The following ARHGAP28 variants were observed in gnomAD, a reference collection of about 807,000 sequenced individuals.
The protein encoded by ARHGAP28 is rho GTPase-activating protein 28.
A neutral mutation model predicts 90.7 loss-of-function variants in ARHGAP28; 56 were observed. The observed-to-expected ratio is 0.62, with a 90% CI of 0.50 to 0.77. ARHGAP28 has a LOEUF of 0.77. Among genes scored for constraint, ARHGAP28 ranks in the 30% least tolerant of loss-of-function variants. ARHGAP28 has a pLI of 0.00. For synonymous variants in ARHGAP28, 308 were observed against 323.3 expected (o/e 0.95, Z 0.51); for missense variants, 869 against 900.9 (o/e 0.96, Z 0.45).
rs1278722657 is a variant in ARHGAP28 at position 6,914,660 on chromosome 18, G to A, written c.*2506G>A. On this transcript the variant is annotated 3_prime_UTR_variant, in exon 18 of 18. Coordinates refer to ENST00000383472, the MANE Select transcript of ARHGAP28 (RefSeq NM_001366230.1). Reference sequence around the variant, plus strand: ...TCATATCTTTGCAAACAAAAGAAGGGCAGATACTGGGCTTCTACATGCTAT... The same window carrying A: ...TCATATCTTTGCAAACAAAAGAAGGACAGATACTGGGCTTCTACATGCTAT... The A allele has an allele frequency of 6.6e-6, 1 of 152,126 alleles. No individual in the cohort carries two copies. Among genetic ancestry groups the A allele is most frequent in the Admixed American group, 6.5e-5 (1 of 15,274 alleles). The allele number at this position is 152,126 out of a possible 1,614,324, so 9.4% of individuals were successfully genotyped here. A position where few individuals can be genotyped will look rare whatever the true frequency, so the allele number is the denominator to read the frequency against.
chr18:6,807,018 A>C (rs1051973341), intron 1 of ARHGAP28, among the ~76,000 whole-genome samples: 9 of 151,486 alleles, frequency 5.9e-5, no homozygotes, highest in Non-Finnish European at 1.3e-4. Context: ...GTTTTCCTCT[A>C]ATTGATTTTA....
At chr18:6,733,088 G>C (rs1369113845) in intron 1 of ARHGAP28, among the ~76,000 whole-genome samples, 1 of 152,136 alleles carries the variant, frequency 6.6e-6, no homozygotes, top group African/African-American at 2.4e-5. Flanking sequence ...TTATAAAATA[G>C]TTAAAACTAT....
In ARHGAP28 at chr18:6,870,584, C is replaced by G; in HGVS notation, c.812-6C>G. 1 of 1,605,916 alleles carries G rather than the reference C, an allele frequency of 6.2e-7. No individual in the cohort carries two copies. Among genetic ancestry groups the G allele is most frequent in the South Asian group, 1.1e-5 (1 of 90,326 alleles). On this transcript the variant is annotated splice_polypyrimidine_tract_variant and splice_region_variant and intron_variant, in intron 6 of 17. Transcript: ENST00000383472. ...AAATAGTCTGTATTCTTTGTTTTGT[C>G]TTTAGATGATGATTTTCTGGAAAAG...
At chr18:6,837,170 C>A in intron 2 of ARHGAP28, 27 bp from the exon 3 acceptor site, 18 of 1,503,214 alleles carry the variant, frequency 1.2e-5, no homozygotes, top group East Asian at 2.5e-5. Flanking sequence ...AATATTCTAA[C>A]CCTCTCTTGG....
chr18:6,877,603 T>C (rs2057141812), intron 10 of ARHGAP28, among the ~76,000 whole-genome samples: 1 of 152,120 alleles, frequency 6.6e-6, no homozygotes, highest in African/African-American at 2.4e-5. Context: ...TCCGGGCATG[T>C]TGAGGGGTTA....
intron 3 of ARHGAP28, among the ~76,000 whole-genome samples, chr18:6,844,871 A>G (rs1212516594): frequency 6.6e-6 from 1 of 152,232 alleles, no homozygotes; most frequent in Non-Finnish European, 1.5e-5. Flanking sequence ...ATAAATAGTT[A>G]AATTCACAAA....
intron 3 of ARHGAP28, among the ~76,000 whole-genome samples, chr18:6,839,824 T>C (rs907104564): frequency 6.6e-5 from 10 of 152,240 alleles, no homozygotes; most frequent in Admixed American, 1.3e-4. Context: ...CTTTGACTTA[T>C]GATGATCATT....
intron 5 of ARHGAP28, among the ~76,000 whole-genome samples, chr18:6,863,786 ATTT>A (rs397962617): frequency 1.4e-5 from 2 of 143,718 alleles, no homozygotes. Flanking sequence ...GCTTTGTTTA[ATTT>A]TTTTTTTTTT....
intron 5 of ARHGAP28, among the ~76,000 whole-genome samples, chr18:6,866,093 C>T (rs1453099847): frequency 6.6e-6 from 1 of 152,198 alleles, no homozygotes; most frequent in African/African-American, 2.4e-5. Context: ...ATCTAGCCTT[C>T]CTGCTCAACC....
chr18:6,786,317 T>G lies in ARHGAP28; in HGVS notation c.123-38445T>G, dbSNP rs1055652831. Among the ~76,000 whole-genome samples the G allele has an allele frequency of 9.2e-5, 14 of 152,320 alleles. 1 individual carries two copies. The highest frequency in any genetic ancestry group is 6.5e-4 in the Admixed American group (10 of 15,292). On this transcript the variant is annotated intron_variant, in intron 1 of 17. Coordinates refer to ENST00000383472, the MANE Select transcript of ARHGAP28 (RefSeq NM_001366230.1). ...AAGAATGTTTTGACAAATTATCCTG[T>G]CATATATACTTAAAGAAAAAATTAA...
chr18:6,774,463 G>C (rs779641107), intron 1 of ARHGAP28, among the ~76,000 whole-genome samples: 3 of 152,116 alleles, frequency 2.0e-5, no homozygotes, highest in Non-Finnish European at 4.4e-5. Flanking sequence ...TATGGATATG[G>C]ATTTTTAAAC....
At chr18:6,733,753 TC>T in intron 1 of ARHGAP28, among the ~76,000 whole-genome samples, 1 of 152,322 alleles carries the variant, frequency 6.6e-6, no homozygotes, top group South Asian at 2.1e-4. Flanking sequence ...AGAGCATAAT[TC>T]TCTCAGAGGA....
chr18:6,784,790 T>C (rs1460727844), intron 1 of ARHGAP28, among the ~76,000 whole-genome samples: 1 of 152,230 alleles, frequency 6.6e-6, no homozygotes, highest in African/African-American at 2.4e-5. Context: ...CTTTGAAATG[T>C]GTTGTGTTTT....
In ARHGAP28 at chr18:6,838,679, C is replaced by T. The variant is rs530479923; in HGVS notation, c.543+1265C>T. ...TTTAAATATGAACAGTCACATGTAG[C>T]TTGTAGCTTATGTATTGAATAACAT... On this transcript the variant is annotated intron_variant, in intron 3 of 17. Transcript: ENST00000383472. Among the ~76,000 whole-genome samples the T allele has an allele frequency of 2.0e-4, 30 of 152,272 alleles. No homozygotes were observed. The South Asian group carries it at 5.4e-3, about 27-fold the overall frequency.
intron 1 of ARHGAP28, among the ~76,000 whole-genome samples, chr18:6,806,831 T>A (rs774713973): frequency 6.6e-6 from 1 of 152,210 alleles, no homozygotes; most frequent in African/African-American, 2.4e-5. Flanking sequence ...CATTTTTATG[T>A]CTGAAAAAAA....
intron 16 of ARHGAP28, among the ~76,000 whole-genome samples, chr18:6,906,421 C>A (rs2143846239): frequency 6.6e-6 from 1 of 152,318 alleles, no homozygotes; most frequent in Admixed American, 6.5e-5. Flanking sequence ...ACTCTATACC[C>A]ATTCTCCCTG....
At chr18:6,776,285 T>C (rs2056282788) in intron 1 of ARHGAP28, among the ~76,000 whole-genome samples, 1 of 152,228 alleles carries the variant, frequency 6.6e-6, no homozygotes, top group African/African-American at 2.4e-5. Context: ...TGCAGGAATG[T>C]GTTTTAATGC....
intron 14 of ARHGAP28, among the ~76,000 whole-genome samples, chr18:6,892,109 T>C (rs897136048): frequency 4.0e-5 from 6 of 151,860 alleles, no homozygotes; most frequent in African/African-American, 1.5e-4. Context: ...TTTAAAAAAT[T>C]TGTTTTAATT....
intron 16 of ARHGAP28, among the ~76,000 whole-genome samples, chr18:6,899,002 C>A (rs991429940): frequency 2.0e-5 from 3 of 152,016 alleles, no homozygotes; most frequent in Non-Finnish European, 2.9e-5. Flanking sequence ...CTCATGTAAC[C>A]AAATACCTGT....
Sources: gnomAD v4.1 joint callset for allele counts (sites outside exome capture counted in the v4.1 genomes callset) on GRCh38, gnomAD v4.1.1 for gene constraint, MANE v1.5 for transcripts, NCBI Gene and HGNC (gene_info 2026-07-23, HGNC 2026-07-21) for gene names.